Variants in NEURL4 observed in about 807,000 individuals in gnomAD.
NEURL4 encodes neuralized E3 ubiquitin protein ligase 4.
NEURL4 carries 45 observed loss-of-function variants against 148.0 expected under a neutral mutation model. The observed-to-expected ratio is 0.30, with a 90% CI of 0.24 to 0.39. The LOEUF is 0.39. NEURL4 is among the 10% of genes least tolerant of loss of function. The probability of loss-of-function intolerance (pLI) is 1.00; values close to 1 mark genes in which losing one functional copy is unlikely to be tolerated. For synonymous variants in NEURL4, 854 were observed against 869.0 expected, an observed-to-expected ratio of 0.98 and a Z score of 0.30; for missense variants, 1,776 against 2,144.0, an observed-to-expected ratio of 0.83 and a Z score of 3.39.
chr17:7,321,182 G>A lies in NEURL4; in HGVS notation c.3290C>T (p.Pro1097Leu). The A allele has an allele frequency of 6.2e-7, 1 of 1,613,970 alleles. No individual in the cohort carries two copies. The highest frequency in any genetic ancestry group is 8.5e-7 in the Non-Finnish European group (1 of 1,180,012). ...GCCGGTGTCTGAACTGGGGGAAGGA[G>A]GCTGGGTGCCTTCTGACTCCTCCAG... ...TRLEESEGTQ[P>L]PSPSSDTGSE... The change falls in exon 20 of 29, where the codon CCT (proline) becomes CTT (leucine). Residue 1097 changes from proline to leucine, a missense_variant. Coordinates refer to ENST00000399464, the MANE Select transcript of NEURL4 (RefSeq NM_032442.3). The surrounding 1 kb of genome is among the most constrained non-coding windows in gnomAD (Gnocchi z 6.3).
At position 7,324,537 on chromosome 17, in the gene NEURL4, G is replaced by T; in HGVS notation, c.1814-57C>A. ...GGGGAAATGCAGGGCTCCTCTCCTTGCCACAGCAGCGCCCACAGGACTCCC... is the reference window on the plus strand; with the variant it reads ...GGGGAAATGCAGGGCTCCTCTCCTTTCCACAGCAGCGCCCACAGGACTCCC... On this transcript the variant is annotated intron_variant, in intron 9 of 28. Coordinates refer to ENST00000399464, the MANE Select transcript of NEURL4 (RefSeq NM_032442.3). This position sits in a 1 kb window ranked among gnomAD's most constrained non-coding sequence, Gnocchi z 5.9. The T allele has an allele frequency of 6.7e-7, 1 of 1,492,964 alleles. No individual in the cohort carries two copies. The highest frequency in any genetic ancestry group is 9.3e-7 in the Non-Finnish European group (1 of 1,071,124). 92.5% of individuals were successfully genotyped at this position (1,492,964 alleles called of 1,614,324 possible).
At position 7,315,748 on chromosome 17, in the gene NEURL4, C is replaced by A. The variant is rs2072932914; in HGVS notation, c.*375G>T. On this transcript the variant is annotated 3_prime_UTR_variant, in exon 29 of 29. Transcript: ENST00000399464. The stretch of plus-strand genomic sequence containing the variant: ...TCCCGCCCGGTGGCCCCGGAAAAAG[C>A]AGCTTCATGTGGGCACAGGGAGAGA... 1 of 458,706 alleles carries A rather than the reference C, an allele frequency of 2.2e-6. No individual in the cohort carries two copies. The highest frequency in any genetic ancestry group is 2.0e-5 in the African/African-American group (1 of 49,742). 28.4% of individuals were successfully genotyped at this position (458,706 alleles called of 1,614,324 possible).
chr17:7,325,936 T>C (rs1259397564), intron 6 of NEURL4, among the ~76,000 whole-genome samples: 1 of 152,128 alleles, frequency 6.6e-6, no homozygotes, highest in Non-Finnish European at 1.5e-5. Context: ...CTTCTACAAG[T>C]CTCAGCCTAT....
rs557173066 is a variant in NEURL4, at chr17:7,324,419, G to A, written c.1875C>T (p.Tyr625=). ...MHNGTTILDE[Y]GHNLDRLKAG... ...CCTTGAGGCGGTCCAGATTGTGCCC[G>A]TATTCATCCAGGATGGTCGTCCCAT... The change falls in exon 10 of 29, where the codon TAC becomes TAT. Residue 625 remains tyrosine, a synonymous_variant. Transcript: ENST00000399464. This position sits in a 1 kb window ranked among gnomAD's most constrained non-coding sequence, Gnocchi z 5.9. 62 of 1,614,164 alleles carry A rather than the reference G, an allele frequency of 3.8e-5. No homozygotes were observed. The Middle Eastern group carries it at 9.9e-4, about 26-fold the overall frequency.
chr17:7,323,401 G>A, intron 14 of NEURL4, 84 bp downstream of exon 14: 1 of 1,406,070 alleles, frequency 7.1e-7, no homozygotes, highest in Non-Finnish European at 1.0e-6. Context: ...ACTACCCACA[G>A]CCACCATAGG....
chr17:7,328,003 G>A, intron 1 of NEURL4, 119 bp from the exon 2 acceptor site: 1 of 764,710 alleles, frequency 1.3e-6, no homozygotes, highest in Non-Finnish European at 2.1e-6. Flanking sequence ...CACTAATCCA[G>A]AGATGCAGAC....
intron 6 of NEURL4, among the ~76,000 whole-genome samples, 198 bp from the exon 7 acceptor site, chr17:7,325,911 C>T (rs199516875): frequency 3.9e-5 from 6 of 152,172 alleles, no homozygotes; most frequent in African/African-American, 1.4e-4. Flanking sequence ...AGTTAAACCA[C>T]CTCACAGACA....
chr17:7,327,140 C>A lies in NEURL4; in HGVS notation c.793+25G>T, dbSNP rs754174334. ...GTCCACCTCACTTCCCACTCCCCTT[C>A]CCAGGGCCTCCCCAAAGCCCTCACC... On this transcript the variant is annotated intron_variant, in intron 3 of 28. Coordinates refer to ENST00000399464, the MANE Select transcript of NEURL4 (RefSeq NM_032442.3). The surrounding 1 kb of genome is among the most constrained non-coding windows in gnomAD (Gnocchi z 6.6). 1.2e-6 allele frequency: 2 copies of A among 1,610,360 alleles called. No homozygotes were observed. Among genetic ancestry groups the A allele is most frequent in the African/African-American group, 1.3e-5 (1 of 74,888 alleles).
Position 7,318,217 on chromosome 17 carries a change from G to A in NEURL4, c.3953-45C>T, listed in dbSNP as rs377486962. ...CAGGTCACAGGAGCTGGGCTAGAAGGGTGAGGGTGGGGGAGTAGGGGCAGG... is the reference window on the plus strand; with the variant it reads ...CAGGTCACAGGAGCTGGGCTAGAAGAGTGAGGGTGGGGGAGTAGGGGCAGG... On this transcript the variant is annotated intron_variant, in intron 24 of 28. Transcript: ENST00000399464. The surrounding 1 kb of genome is among the most constrained non-coding windows in gnomAD (Gnocchi z 4.3). 2.5e-5 allele frequency: 41 copies of A among 1,610,806 alleles called. No homozygotes were observed. Among genetic ancestry groups the A allele is most frequent in the Non-Finnish European group, 3.3e-5 (39 of 1,177,114 alleles).
rs1229243593 is a variant in NEURL4, at chr17:7,321,551, C to A, written c.3099+9G>T. 2.5e-6 allele frequency: 4 copies of A among 1,613,914 alleles called. No individual in the cohort carries two copies. Among genetic ancestry groups the A allele is most frequent in the Non-Finnish European group, 3.4e-6 (4 of 1,179,880 alleles). Reference sequence around the variant, plus strand: ...ACCCCTCCCCTGTCCCTGGAGCCAGCCACTTCACCCCCAGCCTCTCTAGGT... The same window carrying A: ...ACCCCTCCCCTGTCCCTGGAGCCAGACACTTCACCCCCAGCCTCTCTAGGT... On this transcript the variant is annotated intron_variant, in intron 18 of 28. Coordinates refer to ENST00000399464, the MANE Select transcript of NEURL4 (RefSeq NM_032442.3). This position sits in a 1 kb window ranked among gnomAD's most constrained non-coding sequence, Gnocchi z 6.3.
At position 7,321,945 on chromosome 17, in the gene NEURL4, T is replaced by C. The variant is rs777419438; in HGVS notation, c.2791A>G (p.Thr931Ala). Residue 931 changes from threonine to alanine, a missense_variant, in exon 17 of 29, where the codon ACG (threonine) becomes GCG (alanine). By Grantham distance (58) the Thr-to-Ala change is moderately conservative. Coordinates refer to ENST00000399464, the MANE Select transcript of NEURL4 (RefSeq NM_032442.3). This position sits in a 1 kb window ranked among gnomAD's most constrained non-coding sequence, Gnocchi z 6.3. Reference sequence around the variant, plus strand: ...TAGCCAGCGGCACGCACTGCCCTCGTGCCATCCTCCTCTAGAGTGACGTTC... The same window carrying C: ...TAGCCAGCGGCACGCACTGCCCTCGCGCCATCCTCCTCTAGAGTGACGTTC... ...GKNVTLEEDG[T>A]RAVRAAGYAH... The C allele has an allele frequency of 1.2e-6, 2 of 1,613,808 alleles. No homozygotes were observed. The highest frequency in any genetic ancestry group is 2.2e-5 in the South Asian group (2 of 91,068).
In NEURL4 at chr17:7,327,282, G is replaced by A. The variant is rs772977936; in HGVS notation, c.728-52C>T. The A allele has an allele frequency of 1.6e-5, 24 of 1,526,046 alleles. No individual in the cohort carries two copies. The highest frequency in any genetic ancestry group is 1.2e-4 in the Admixed American group (6 of 48,312). The allele number at this position is 1,526,046 out of a possible 1,614,324, so 94.5% of individuals were successfully genotyped here. ...AATAAGGGTTCAGTCCCTGCTTCAC[G>A]GCCCATAGCCAGGAGAACCCCCCAT... On this transcript the variant is annotated intron_variant, in intron 2 of 28. Transcript: ENST00000399464. This position sits in a 1 kb window ranked among gnomAD's most constrained non-coding sequence, Gnocchi z 6.6.
In NEURL4 at chr17:7,322,871, G is replaced by A; in HGVS notation, c.2594-5C>T. ...GATCGACTACCGCATACACCTCTGG[G>A]GAGGAGAGGGAAGGTCAGAAGCCTG... On this transcript the variant is annotated splice_polypyrimidine_tract_variant and splice_region_variant and intron_variant, in intron 15 of 28. Transcript: ENST00000399464. The surrounding 1 kb of genome is among the most constrained non-coding windows in gnomAD (Gnocchi z 5.5). 8 of 1,612,524 alleles carry A rather than the reference G, an allele frequency of 5.0e-6. No individual in the cohort carries two copies. The highest frequency in any genetic ancestry group is 6.8e-6 in the Non-Finnish European group (8 of 1,178,658).
rs778245956 is a variant in NEURL4 at position 7,315,782 on chromosome 17, G to C, written c.*341C>G. On this transcript the variant is annotated 3_prime_UTR_variant, in exon 29 of 29. Coordinates refer to ENST00000399464, the MANE Select transcript of NEURL4 (RefSeq NM_032442.3). ...GTGGGCACAGGGAGAGACTCCTCTG[G>C]GATTCACAGTAACCAGAAACAAAAA... The C allele has an allele frequency of 3.8e-4, 197 of 512,666 alleles. No homozygotes were observed. The highest frequency in any genetic ancestry group is 2.0e-3 in the Middle Eastern group (4 of 1,996). The allele number at this position is 512,666 out of a possible 1,614,324, so 31.8% of individuals were successfully genotyped here.
In NEURL4 at chr17:7,318,056, G is replaced by A. The variant is rs766503620; in HGVS notation, c.4060+9C>T. On this transcript the variant is annotated intron_variant, in intron 25 of 28. Coordinates refer to ENST00000399464, the MANE Select transcript of NEURL4 (RefSeq NM_032442.3). The surrounding 1 kb of genome is among the most constrained non-coding windows in gnomAD (Gnocchi z 4.3). The stretch of plus-strand genomic sequence containing the variant: ...AATGAAGTCAGTTCTGGCGGACTGT[G>A]GGACTCACCGGGAAGCAGCAGGAGT... 6.2e-7 allele frequency: 1 copy of A among 1,613,882 alleles called. No individual in the cohort carries two copies. Among genetic ancestry groups the A allele is most frequent in the Admixed American group, 1.7e-5 (1 of 60,030 alleles).
chr17:7,323,833 C>T lies in NEURL4; in HGVS notation c.2242G>A (p.Ala748Thr), dbSNP rs1010706359. The T allele has an allele frequency of 1.9e-6, 3 of 1,613,952 alleles. No homozygotes were observed. Among genetic ancestry groups the T allele is most frequent in the Non-Finnish European group, 2.5e-6 (3 of 1,180,040 alleles). ...RHNCRSEFND[A>T]IVISNRALRD... ...ACTGACCGGTTGGAGATGACGATGGCGTCATTAAACTCGCTGCGACAGTTG... is the reference window on the plus strand; with the variant it reads ...ACTGACCGGTTGGAGATGACGATGGTGTCATTAAACTCGCTGCGACAGTTG... The change falls in exon 12 of 29, where the codon GCC becomes ACC. Residue 748 changes from alanine (A) to threonine (T), a missense_variant. Physicochemically the swap from Ala to Thr is moderately conservative, Grantham distance 58 (BLOSUM62 0). Coordinates refer to ENST00000399464, the MANE Select transcript of NEURL4 (RefSeq NM_032442.3).
intron 21 of NEURL4, among the ~76,000 whole-genome samples, 195 bp from the exon 22 acceptor site, chr17:7,319,403 T>TTTTTA (rs1555539108): frequency 1.5e-5 from 2 of 131,440 alleles, no homozygotes; most frequent in African/African-American, 3.3e-5. Context: ...TTTTTTTTTT[T>TTTTTA]AAAAAAAAGA....
At position 7,324,526 on chromosome 17, in the gene NEURL4, C is replaced by T; in HGVS notation, c.1814-46G>A. The T allele has an allele frequency of 1.3e-6, 2 of 1,547,302 alleles. No homozygotes were observed. ...AGGGGACATGAGGGGAAATGCAGGG[C>T]TCCTCTCCTTGCCACAGCAGCGCCC... On this transcript the variant is annotated intron_variant, in intron 9 of 28. Transcript: ENST00000399464. This position sits in a 1 kb window ranked among gnomAD's most constrained non-coding sequence, Gnocchi z 5.9.
rs773422013 is a variant in NEURL4 at position 7,318,375 on chromosome 17, TCAGA to T, written c.3865-23_3865-20del. 1.1e-5 allele frequency: 17 copies of T among 1,613,606 alleles called. No homozygotes were observed. The highest frequency in any genetic ancestry group is 2.2e-5 in the East Asian group (1 of 44,892). On this transcript the variant is annotated intron_variant, in intron 23 of 28. Transcript: ENST00000399464. The surrounding 1 kb of genome is among the most constrained non-coding windows in gnomAD (Gnocchi z 4.3). ...TTGTCACCTGCAGGGGAGAGGGTAG[TCAGA>T]CAGAGCTTGGTCAGACCCCAGGGCC...
Sources: gnomAD v4.1 joint callset for allele counts (sites outside exome capture counted in the v4.1 genomes callset) on GRCh38, gnomAD v4.1.1 for gene constraint, Gnocchi (gnomAD v3.1) non-coding constraint, MANE v1.5 for transcripts, NCBI Gene and HGNC (gene_info 2026-07-23, HGNC 2026-07-21) for gene names.